The following ITCH variants were observed in gnomAD, a reference collection of about 807,000 sequenced individuals.
ITCH encodes the protein itchy E3 ubiquitin protein ligase.
A neutral mutation model predicts 126.8 loss-of-function variants in ITCH; 28 were observed. That is an observed-to-expected ratio of 0.22 (90% CI 0.16 to 0.30). The LOEUF (loss-of-function observed/expected upper bound fraction) is 0.30. Among genes scored for constraint, ITCH ranks in the 10% least tolerant of loss-of-function variants. The pLI is 1.00. For missense variants in ITCH, 631 were observed against 1,032.4 expected, an observed-to-expected ratio of 0.61 and a Z score of 5.33; for synonymous variants, 342 against 340.0, an observed-to-expected ratio of 1.01 and a Z score of -0.06.
intron 4 of ITCH, among the ~76,000 whole-genome samples, chr20:34,410,573 C>T (rs928721338): frequency 6.6e-6 from 1 of 152,086 alleles, no homozygotes; most frequent in Non-Finnish European, 1.5e-5. Context: ...CTGGGAATGA[C>T]TGCACATGTT....
At chr20:34,498,359 A>G (rs1990023357) in intron 23 of ITCH, among the ~76,000 whole-genome samples, 1 of 152,134 alleles carries the variant, frequency 6.6e-6, no homozygotes, top group African/African-American at 2.4e-5. Context: ...TGGGACTTCC[A>G]GCAGTTTGTT....
chr20:34,410,871 A>G lies in ITCH; in HGVS notation c.213-1644A>G, dbSNP rs115825935. On this transcript the variant is annotated intron_variant, in intron 4 of 24. Transcript: ENST00000374864. Reference sequence around the variant, plus strand: ...CTTCTTAGTGATTTAAAAGTTAAGAAAAAAACTCTCTTTGTAGTTCTATGT... The same window carrying G: ...CTTCTTAGTGATTTAAAAGTTAAGAGAAAAACTCTCTTTGTAGTTCTATGT... Among the ~76,000 whole-genome samples the G allele has an allele frequency of 8.0e-3, 1,226 of 152,340 alleles. 21 individuals are homozygous for G. Among genetic ancestry groups the G allele is most frequent in the African/African-American group, 0.028 (1,176 of 41,576 alleles).
At chr20:34,489,985 AC>A in intron 22 of ITCH, 59 bp downstream of exon 22, 1 of 1,271,116 alleles carries the variant, frequency 7.9e-7, no homozygotes. Context: ...GAATTTGCTT[AC>A]CACATATGGA....
intron 16 of ITCH, among the ~76,000 whole-genome samples, chr20:34,472,865 A>G (rs1476126794): frequency 6.6e-6 from 1 of 152,194 alleles, no homozygotes; most frequent in Non-Finnish European, 1.5e-5. Context: ...TCCCCACCCT[A>G]GTCCTTGCCC....
intron 2 of ITCH, among the ~76,000 whole-genome samples, chr20:34,386,091 C>CTTTGTTTTTTTTT (rs1555851845): frequency 2.4e-4 from 36 of 149,330 alleles, no homozygotes; most frequent in African/African-American, 8.5e-4. Flanking sequence ...AAGTCGGCTC[C>CTTTGTTTTTTTTT]TTTGTTTTTT....
At chr20:34,482,741 C>T (rs971130474) in intron 20 of ITCH, among the ~76,000 whole-genome samples, 1 of 152,150 alleles carries the variant, frequency 6.6e-6, no homozygotes, top group Admixed American at 6.5e-5. Flanking sequence ...AGGACGGTTG[C>T]CCTCTTCTCA....
At chr20:34,464,348 A>G (rs1600406707) in intron 14 of ITCH, among the ~76,000 whole-genome samples, 1 of 102,374 alleles carries the variant, frequency 9.8e-6, no homozygotes, top group African/African-American at 3.9e-5. Context: ...ACGGAGCTTC[A>G]CTCTTTTTGC....
At chr20:34,393,688 T>G (rs1184410391) in intron 2 of ITCH, 103 bp from the exon 3 acceptor site, 24 of 797,234 alleles carry the variant, frequency 3.0e-5, no homozygotes, top group Non-Finnish European at 4.8e-5. Flanking sequence ...TGTAAAGGCC[T>G]TTGTTACATG....
At chr20:34,483,827 C>T (rs1988927334) in intron 20 of ITCH, among the ~76,000 whole-genome samples, 2 of 152,188 alleles carry the variant, frequency 1.3e-5, no homozygotes, top group Non-Finnish European at 2.9e-5. Flanking sequence ...CTAAGACATA[C>T]TTGAGAGTGG....
chr20:34,451,540 A>C (rs1173284319), intron 12 of ITCH, among the ~76,000 whole-genome samples: 2 of 152,160 alleles, frequency 1.3e-5, no homozygotes, highest in African/African-American at 4.8e-5. Context: ...CTCTGTCTCT[A>C]CTGAAGCCTA....
intron 2 of ITCH, among the ~76,000 whole-genome samples, chr20:34,375,700 T>A (rs1246533953): frequency 2.0e-5 from 2 of 101,876 alleles, no homozygotes; most frequent in Admixed American, 9.1e-5. Context: ...GTTAAAATTT[T>A]TTTTTTTTTT....
chr20:34,504,300 AC>A (rs1234388210), intron 23 of ITCH, 30 bp from the exon 24 acceptor site: 1 of 1,544,772 alleles, frequency 6.5e-7, no homozygotes, highest in Admixed American at 1.7e-5. Flanking sequence ...CACTATACTA[AC>A]AAACTGTTTA....
At position 34,509,043 on chromosome 20, in the gene ITCH, C is replaced by T. The variant is rs773632800; in HGVS notation, c.*1249C>T. 1.3e-5 allele frequency: 2 copies of T among 152,532 alleles called. No homozygotes were observed. Among genetic ancestry groups the T allele is most frequent in the Non-Finnish European group, 2.9e-5 (2 of 68,028 alleles). The allele number at this position is 152,532 out of a possible 1,614,324, so 9.4% of individuals were successfully genotyped here. A position where few individuals can be genotyped will look rare whatever the true frequency, so the allele number is the denominator to read the frequency against. ...TGACATATGTTGGAGTAGTCATTTCCATTCTTTACATTGTCATGAACTGGA... is the reference window on the plus strand; with the variant it reads ...TGACATATGTTGGAGTAGTCATTTCTATTCTTTACATTGTCATGAACTGGA... On this transcript the variant is annotated 3_prime_UTR_variant, in exon 25 of 25. Coordinates refer to ENST00000374864, the MANE Select transcript of ITCH (RefSeq NM_031483.7).
chr20:34,418,580 T>TA (rs1980278503), intron 6 of ITCH, among the ~76,000 whole-genome samples: 1 of 152,106 alleles, frequency 6.6e-6, no homozygotes, highest in African/African-American at 2.4e-5. Context: ...TATTTGAAGT[T>TA]ACTAGATCTC....
chr20:34,412,766 A>G (rs1979222305), intron 5 of ITCH, 127 bp downstream of exon 5: 1 of 749,996 alleles, frequency 1.3e-6, no homozygotes, highest in African/African-American at 1.7e-5. Flanking sequence ...TATAGGATGA[A>G]CAGATAGAAG....
chr20:34,414,069 G>A (rs1979454234), intron 6 of ITCH, among the ~76,000 whole-genome samples, 190 bp downstream of exon 6: 1 of 151,082 alleles, frequency 6.6e-6, no homozygotes, highest in Non-Finnish European at 1.5e-5. Flanking sequence ...CTTGAGCTTG[G>A]AGGTTGAGGC....
chr20:34,431,968 C>T (rs1568933611), intron 7 of ITCH, among the ~76,000 whole-genome samples: 1 of 146,092 alleles, frequency 6.8e-6, no homozygotes, highest in South Asian at 2.2e-4. Flanking sequence ...TGCTTGAACC[C>T]GGGAGGTGGA....
intron 2 of ITCH, among the ~76,000 whole-genome samples, chr20:34,386,440 T>C (rs2038286869): frequency 6.6e-6 from 1 of 152,202 alleles, no homozygotes; most frequent in South Asian, 2.1e-4. Flanking sequence ...CGGTATGTAT[T>C]TCTAATTTAC....
rs1984322180 is a variant in ITCH at position 34,445,325 on chromosome 20, A to G, written c.1004A>G (p.Tyr335Cys). 6.3e-7 allele frequency: 1 copy of G among 1,585,008 alleles called. No homozygotes were observed. The highest frequency in any genetic ancestry group is 1.5e-5 in the African/African-American group (1 of 66,150). ...RRVDNMGRIYYVDHFTRTTTW... is the reference protein window; with the variant it reads ...RRVDNMGRIYCVDHFTRTTTW... ...GTTGACAACATGGGACGTATTTATT[A>G]TGTTGACCATTTCACAAGAACAACA... The change falls in exon 11 of 25, where the codon TAT becomes TGT. Residue 335 changes from tyrosine (Y) to cysteine (C), a missense_variant. Transcript: ENST00000374864.
Sources: gnomAD v4.1 joint callset for allele counts (sites outside exome capture counted in the v4.1 genomes callset) on GRCh38, gnomAD v4.1.1 for gene constraint, MANE v1.5 for transcripts, NCBI Gene and HGNC (gene_info 2026-07-23, HGNC 2026-07-21) for gene names.